The following NAALADL2 variants were observed in gnomAD, a reference collection of about 807,000 sequenced individuals.
The protein encoded by NAALADL2 is inactive N-acetylated-alpha-linked acidic dipeptidase-like protein 2.
A neutral mutation model predicts 87.2 loss-of-function variants in NAALADL2; 76 were observed. The ratio of observed to expected loss-of-function variants is 0.87; its 90% CI spans 0.72 to 1.05. NAALADL2 has a LOEUF of 1.05. Among genes scored for constraint, NAALADL2 ranks in the 50% least tolerant of loss-of-function variants. NAALADL2 has a pLI of 0.00. For missense variants in NAALADL2, 1,089 were observed against 945.8 expected, an observed-to-expected ratio of 1.15 and a Z score of -1.99; for synonymous variants, 354 against 331.0, an observed-to-expected ratio of 1.07 and a Z score of -0.75.
At chr3:175,213,258 G>A (rs1742030103) in intron 2 of NAALADL2, among the ~76,000 whole-genome samples, 1 of 152,042 alleles carries the variant, frequency 6.6e-6, no homozygotes, top group South Asian at 2.1e-4. Context: ...GATTAGCAAT[G>A]AAAATAGAGA....
At chr3:175,306,980 A>G (rs932276002) in intron 4 of NAALADL2, among the ~76,000 whole-genome samples, 4 of 152,194 alleles carry the variant, frequency 2.6e-5, no homozygotes, top group Admixed American at 6.6e-5. Flanking sequence ...TGTGATCTCA[A>G]TCTGAATCCT....
intron 4 of NAALADL2, among the ~76,000 whole-genome samples, chr3:175,283,990 A>G (rs1754658056): frequency 6.6e-6 from 1 of 152,026 alleles, no homozygotes; most frequent in African/African-American, 2.4e-5. Context: ...AAAATAATTT[A>G]AATTTATCCT....
In NAALADL2 at chr3:175,672,665, T is replaced by G. The variant is rs16826110; in HGVS notation, c.1896+45279T>G. 1.4e-3 allele frequency among the ~76,000 whole-genome samples: 209 copies of G among 152,298 alleles called. 4 individuals are homozygous for G. The East Asian group carries it at 0.028, about 20-fold the overall frequency. On this transcript the variant is annotated intron_variant, in intron 11 of 13. Coordinates refer to ENST00000454872, the MANE Select transcript of NAALADL2 (RefSeq NM_207015.3). Reference sequence around the variant, plus strand: ...ACTGAAACTAAAAGAGTAGGACTTATAAATTCAATCAAAACGGCAAGGGAC... The same window carrying G: ...ACTGAAACTAAAAGAGTAGGACTTAGAAATTCAATCAAAACGGCAAGGGAC...
At chr3:175,323,539 A>C (rs1760226623) in intron 4 of NAALADL2, among the ~76,000 whole-genome samples, 1 of 152,134 alleles carries the variant, frequency 6.6e-6, no homozygotes, top group Non-Finnish European at 1.5e-5. Context: ...TTAATCCAAA[A>C]AAAGTAGAAA....
At chr3:175,320,190 G>A (rs1759666223) in intron 4 of NAALADL2, among the ~76,000 whole-genome samples, 1 of 151,944 alleles carries the variant, frequency 6.6e-6, no homozygotes, top group South Asian at 2.1e-4. Flanking sequence ...TTTCATATGA[G>A]ATAAGTCATA....
chr3:175,412,356 ATGTT>A (rs1038147060), intron 5 of NAALADL2, among the ~76,000 whole-genome samples: 3 of 152,178 alleles, frequency 2.0e-5, no homozygotes, highest in Admixed American at 2.0e-4. Flanking sequence ...GGATAAATGG[ATGTT>A]TGGGCTTTTA....
At chr3:175,303,253 T>C (rs767082292) in intron 4 of NAALADL2, among the ~76,000 whole-genome samples, 1 of 152,164 alleles carries the variant, frequency 6.6e-6, no homozygotes, top group Non-Finnish European at 1.5e-5. Flanking sequence ...ACCTATCTTT[T>C]AGCATTGTTG....
chr3:174,801,396 G>A (rs997691289), intron 3 of NAALADL2, among the ~76,000 whole-genome samples: 1 of 152,164 alleles, frequency 6.6e-6, no homozygotes, highest in African/African-American at 2.4e-5. Context: ...GATGTGACTT[G>A]CTCTTCTTTG....
chr3:174,463,259 T>C (rs1373441346), intron 1 of NAALADL2, among the ~76,000 whole-genome samples: 2 of 152,142 alleles, frequency 1.3e-5, no homozygotes, highest in African/African-American at 4.8e-5. Flanking sequence ...CTATCTCTGC[T>C]CAGTATACTT....
chr3:174,491,392 G>T (rs1182222479), intron 1 of NAALADL2, among the ~76,000 whole-genome samples: 2 of 152,104 alleles, frequency 1.3e-5, no homozygotes, highest in South Asian at 2.1e-4. Flanking sequence ...TTACTCTCAA[G>T]CTGTTCATTT....
At chr3:174,539,483 A>G (rs1722025272) in intron 1 of NAALADL2, among the ~76,000 whole-genome samples, 1 of 152,124 alleles carries the variant, frequency 6.6e-6, no homozygotes, top group South Asian at 2.1e-4. Flanking sequence ...CCCAGTGTGG[A>G]TTCTGTCTTT....
At chr3:174,783,786 T>G (rs980123235) in intron 3 of NAALADL2, among the ~76,000 whole-genome samples, 2 of 151,944 alleles carry the variant, frequency 1.3e-5, no homozygotes, top group Non-Finnish European at 2.9e-5. Flanking sequence ...GCTGAAGGAG[T>G]GACAACTGAT....
At chr3:174,644,577 T>G (rs898604080) in intron 2 of NAALADL2, among the ~76,000 whole-genome samples, 13 of 152,040 alleles carry the variant, frequency 8.6e-5, no homozygotes, top group East Asian at 5.8e-4. Context: ...GCCATGCAGT[T>G]TAAACCCAGG....
At chr3:175,653,056 A>C (rs1452107098) in intron 11 of NAALADL2, among the ~76,000 whole-genome samples, 1 of 152,132 alleles carries the variant, frequency 6.6e-6, no homozygotes, top group Non-Finnish European at 1.5e-5. Context: ...CTATTTAGAA[A>C]ATCATATAAA....
chr3:175,761,172 A>G (rs1747957529), intron 13 of NAALADL2, among the ~76,000 whole-genome samples: 1 of 151,482 alleles, frequency 6.6e-6, no homozygotes, highest in South Asian at 2.1e-4. Context: ...GGTCATATAG[A>G]ATAGTTTTAC....
chr3:175,745,944 C>T (rs529936172), intron 12 of NAALADL2, among the ~76,000 whole-genome samples: 8 of 152,088 alleles, frequency 5.3e-5, no homozygotes, highest in East Asian at 1.9e-4. Flanking sequence ...ATAGCATTAT[C>T]GTAAAGACTT....
At chr3:174,493,091 C>G (rs1718303814) in intron 1 of NAALADL2, among the ~76,000 whole-genome samples, 1 of 152,104 alleles carries the variant, frequency 6.6e-6, no homozygotes, top group Non-Finnish European at 1.5e-5. Context: ...TGAAAACTTT[C>G]AAAAACATAA....
intron 2 of NAALADL2, among the ~76,000 whole-genome samples, chr3:174,658,383 C>T (rs1445624271): frequency 6.6e-6 from 1 of 152,126 alleles, no homozygotes; most frequent in East Asian, 1.9e-4. Context: ...TGTGGAGCAT[C>T]TCTTCATGTG....
At chr3:175,762,696 A>G (rs1229992177) in intron 13 of NAALADL2, among the ~76,000 whole-genome samples, 2 of 152,176 alleles carry the variant, frequency 1.3e-5, no homozygotes, top group Non-Finnish European at 2.9e-5. Context: ...CCTTCCCTTT[A>G]TTAAACTTTG....
Sources: allele counts gnomAD v4.1 joint callset (sites outside exome capture counted in the v4.1 genomes callset), GRCh38; gene constraint gnomAD v4.1.1; transcripts MANE v1.5; gene names NCBI Gene and HGNC (gene_info 2026-07-23, HGNC 2026-07-21).